Variants in METTL15 observed in about 807,000 individuals in gnomAD.
METTL15 encodes the protein 12S rRNA N(4)-cytidine methyltransferase METTL15.
Under a neutral mutation model 38.3 loss-of-function variants are expected in METTL15, and 34 were observed. That is an observed-to-expected ratio of 0.89 (90% CI 0.68 to 1.18). The LOEUF (loss-of-function observed/expected upper bound fraction) is 1.18, where lower values mean the gene tolerates loss of function less well. Ranked by LOEUF, METTL15 falls within the 50% of genes most tolerant of loss-of-function variation. The probability of loss-of-function intolerance (pLI) is 0.00; values close to 1 mark genes in which losing one functional copy is unlikely to be tolerated. For missense variants in METTL15, 438 were observed against 498.4 expected (o/e 0.88, Z 1.15); for synonymous variants, 162 against 170.9 (o/e 0.95, Z 0.41).
chr11:28,419,809 A>G (rs1590368056), intron 5 of METTL15, among the ~76,000 whole-genome samples: 1 of 152,324 alleles, frequency 6.6e-6, no homozygotes, highest in East Asian at 1.9e-4. Context: ...GATAAATTTA[A>G]CAAAGAAATT....
chr11:28,160,833 A>G (rs533295895), intron 3 of METTL15, among the ~76,000 whole-genome samples: 14 of 152,228 alleles, frequency 9.2e-5, no homozygotes, highest in African/African-American at 3.4e-4. Flanking sequence ...TCATCCCTTT[A>G]ATAAGCCTAG....
At chr11:28,420,041 A>G (rs1036773735) in intron 5 of METTL15, among the ~76,000 whole-genome samples, 1 of 152,166 alleles carries the variant, frequency 6.6e-6, no homozygotes, top group Non-Finnish European at 1.5e-5. Context: ...ATAGCCCAAA[A>G]GGGATAAATC....
chr11:28,128,506 A>G (rs1335377295), intron 3 of METTL15, among the ~76,000 whole-genome samples: 1 of 152,162 alleles, frequency 6.6e-6, no homozygotes, highest in African/African-American at 2.4e-5. Context: ...CTTCTTAAAA[A>G]TTGGACATGT....
intron 3 of METTL15, among the ~76,000 whole-genome samples, chr11:28,148,896 C>T (rs1849981078): frequency 6.6e-6 from 1 of 151,872 alleles, no homozygotes; most frequent in Non-Finnish European, 1.5e-5. Flanking sequence ...TTTTTAAACA[C>T]TCTGATCTCA....
intron 4 of METTL15, among the ~76,000 whole-genome samples, chr11:28,258,530 T>C (rs1855065499): frequency 6.6e-6 from 1 of 152,012 alleles, no homozygotes; most frequent in South Asian, 2.1e-4. Context: ...TAGTCAAAAA[T>C]CTTTGAAGTT....
At chr11:28,357,829 C>T (rs1850103130) in intron 4 of METTL15, among the ~76,000 whole-genome samples, 1 of 151,992 alleles carries the variant, frequency 6.6e-6, no homozygotes, top group Admixed American at 6.6e-5. Context: ...ATCTTCTCTC[C>T]AAGGCTCTGA....
chr11:28,261,232 G>T (rs1159571210), intron 4 of METTL15: 1 of 152,128 alleles, frequency 6.6e-6, no homozygotes, highest in African/African-American at 2.4e-5. Context: ...AAGAAATAAA[G>T]AAAAACACCA....
At chr11:28,380,536 A>G (rs57578882) in intron 5 of METTL15, among the ~76,000 whole-genome samples, 225 of 151,608 alleles carry the variant, frequency 1.5e-3, no homozygotes, top group African/African-American at 5.2e-3. Context: ...TTGTTTTGTA[A>G]CTCATATCTT....
chr11:28,343,490 C>G (rs375402889), intron 3 of METTL15, among the ~76,000 whole-genome samples: 4 of 152,154 alleles, frequency 2.6e-5, no homozygotes, highest in Non-Finnish European at 5.9e-5. Context: ...CACTCACAAA[C>G]GAACTGTGGT....
At chr11:28,345,909 C>G (rs1215354864) in intron 3 of METTL15, among the ~76,000 whole-genome samples, 3 of 152,080 alleles carry the variant, frequency 2.0e-5, no homozygotes, top group Non-Finnish European at 2.9e-5. Context: ...TATATGAGGC[C>G]AGGAATGACA....
chr11:28,234,532 G>C (rs1224005934), intron 4 of METTL15, among the ~76,000 whole-genome samples: 7 of 151,680 alleles, frequency 4.6e-5, no homozygotes, highest in Non-Finnish European at 8.8e-5. Flanking sequence ...TTGTGGTTTT[G>C]ATTTGCATTT....
At chr11:28,398,005 C>T (rs886972168) in intron 5 of METTL15, among the ~76,000 whole-genome samples, 6 of 151,842 alleles carry the variant, frequency 4.0e-5, no homozygotes, top group Non-Finnish European at 7.4e-5. Flanking sequence ...ACCAAAACAC[C>T]GCATGTTCTC....
At chr11:28,391,625 C>T (rs971737829) in intron 5 of METTL15, among the ~76,000 whole-genome samples, 1 of 152,044 alleles carries the variant, frequency 6.6e-6, no homozygotes, top group Non-Finnish European at 1.5e-5. Context: ...AGATATAGAC[C>T]AATGGAACAG....
At chr11:28,495,041 G>A (rs1470277052) in intron 6 of METTL15, among the ~76,000 whole-genome samples, 3 of 152,194 alleles carry the variant, frequency 2.0e-5, no homozygotes, top group East Asian at 1.9e-4. Context: ...AACTAATATC[G>A]GTTATTATTT....
At chr11:28,403,043 C>T (rs955041453) in intron 5 of METTL15, among the ~76,000 whole-genome samples, 2 of 152,030 alleles carry the variant, frequency 1.3e-5, no homozygotes, top group African/African-American at 4.8e-5. Context: ...TTGCTCATTG[C>T]TCATCCATCT....
At chr11:28,408,696 A>C (rs971505785) in intron 5 of METTL15, among the ~76,000 whole-genome samples, 1 of 152,220 alleles carries the variant, frequency 6.6e-6, no homozygotes, top group Non-Finnish European at 1.5e-5. Context: ...TTTTACTGAC[A>C]TATGTAATAT....
At chr11:28,158,487 G>A (rs565062979) in intron 3 of METTL15, among the ~76,000 whole-genome samples, 1 of 152,242 alleles carries the variant, frequency 6.6e-6, no homozygotes, top group Non-Finnish European at 1.5e-5. Flanking sequence ...CCCTCGATAT[G>A]GCACCATTCC....
At chr11:28,365,794 G>A (rs889903763) in intron 5 of METTL15, among the ~76,000 whole-genome samples, 1 of 152,182 alleles carries the variant, frequency 6.6e-6, no homozygotes, top group Admixed American at 6.5e-5. Context: ...ATGAGCGCCT[G>A]TAATCCCAGC....
At chr11:28,492,719 C>T (rs540074159) in intron 6 of METTL15, among the ~76,000 whole-genome samples, 1 of 152,180 alleles carries the variant, frequency 6.6e-6, no homozygotes, top group Non-Finnish European at 1.5e-5. Flanking sequence ...GTAGCATTGA[C>T]TAGCATTATC....
Sources: gnomAD v4.1 joint callset for allele counts (sites outside exome capture counted in the v4.1 genomes callset) on GRCh38, gnomAD v4.1.1 for gene constraint, MANE v1.5 for transcripts, NCBI Gene and HGNC (gene_info 2026-07-23, HGNC 2026-07-21) for gene names.